The following SPATA7 variants were observed in gnomAD, a reference collection of about 807,000 sequenced individuals.
SPATA7 encodes the protein spermatogenesis-associated protein 7.
Under a neutral mutation model 51.8 loss-of-function variants are expected in SPATA7, and 43 were observed. The ratio of observed to expected loss-of-function variants is 0.83; its 90% CI spans 0.65 to 1.07. The LOEUF (loss-of-function observed/expected upper bound fraction) is 1.07, where lower values mean the gene tolerates loss of function less well. Among genes scored for constraint, SPATA7 ranks in the 50% least tolerant of loss-of-function variants. The probability of loss-of-function intolerance (pLI) is 0.00; values close to 1 mark genes in which losing one functional copy is unlikely to be tolerated. For missense variants in SPATA7, 683 were observed against 701.3 expected, an observed-to-expected ratio of 0.97 and a Z score of 0.30; for synonymous variants, 230 against 252.8, an observed-to-expected ratio of 0.91 and a Z score of 0.86.
Position 88,469,801 on chromosome 14 carries a change from A to T in SPATA7, c.255-46A>T. ...TGGATGCCTTTCTCACATAGACGGC[A>T]CATCTGAAACAGAACCACAACCCTA... is the stretch of plus-strand genomic sequence containing the variant. On this transcript the variant is annotated intron_variant, in intron 4 of 4. Transcript: ENST00000556406. The surrounding 1 kb of genome is among the most constrained non-coding windows in gnomAD (Gnocchi z 4.3). 1 of 1,597,262 alleles carries T rather than the reference A, an allele frequency of 6.3e-7. No individual in the cohort carries two copies. The highest frequency in any genetic ancestry group is 8.6e-7 in the Non-Finnish European group (1 of 1,164,942).
At chr14:88,391,268 G>A in intron 1 of SPATA7, 113 bp from the exon 2 acceptor site, 1 of 960,210 alleles carries the variant, frequency 1.0e-6, no homozygotes, top group Non-Finnish European at 1.6e-6. Flanking sequence ...CACCTTTTAG[G>A]AAAGAAATTA....
intron 4 of SPATA7, among the ~76,000 whole-genome samples, chr14:88,415,486 GTTTTTTGT>G (rs2076451416): frequency 2.0e-5 from 3 of 147,986 alleles, no homozygotes; most frequent in African/African-American, 7.8e-5. Flanking sequence ...GTTGGGTCTT[GTTTTTTGT>G]TTTTTTTTAA....
intron 3 of SPATA7, among the ~76,000 whole-genome samples, chr14:88,448,761 G>A (rs113087364): frequency 1.3e-5 from 2 of 152,102 alleles, no homozygotes; most frequent in Admixed American, 1.3e-4. Flanking sequence ...GTGTCAGTCT[G>A]CCCCTGCTTG....
At chr14:88,466,819 G>C (rs962203961) in intron 4 of SPATA7, 8 of 152,202 alleles carry the variant, frequency 5.3e-5, no homozygotes, top group African/African-American at 1.9e-4. Context: ...AGCAATCTCT[G>C]TGCACAAATT....
chr14:88,385,813 C>G lies in SPATA7; in HGVS notation c.-6C>G, dbSNP rs186639262. 2 of 1,606,850 alleles carry G rather than the reference C, an allele frequency of 1.2e-6. No individual in the cohort carries two copies. Among genetic ancestry groups the G allele is most frequent in the South Asian group, 1.1e-5 (1 of 89,450 alleles). On this transcript the variant is annotated 5_prime_UTR_variant, in exon 1 of 12. Coordinates refer to ENST00000393545, the MANE Select transcript of SPATA7 (RefSeq NM_018418.5). ...TGTCCCTGCGGCGGCTGCAAGAGGA[C>G]TAAGCATGGATGGCAGCCGGAGAGG...
At chr14:88,397,035 C>T (rs1470046398) in intron 4 of SPATA7, among the ~76,000 whole-genome samples, 1 of 152,050 alleles carries the variant, frequency 6.6e-6, no homozygotes, top group Non-Finnish European at 1.5e-5. Context: ...AGGCGCAAGC[C>T]ACCACGCACA....
intron 4 of SPATA7, among the ~76,000 whole-genome samples, chr14:88,406,278 C>T (rs976364867): frequency 1.3e-5 from 2 of 151,898 alleles, no homozygotes; most frequent in African/African-American, 2.4e-5. Context: ...AAATAATTTA[C>T]ATACTATAAG....
rs149478294 is a variant in SPATA7, at chr14:88,437,860, A to G, written c.1238A>G (p.His413Arg). ...TAGGAAAAAATGCGCCACCTGCTGC[A>G]TGTCCTGAAAGTAGACTTAGGCTGC... ...LEEEKMRHLL[H>R]VLKVDLGCTS... Residue 413 changes from histidine to arginine, a missense_variant, in exon 12 of 12, where the codon CAT (histidine) becomes CGT (arginine). Transcript: ENST00000393545. 3.6e-4 allele frequency: 569 copies of G among 1,597,908 alleles called. 1 individual carries two copies. The African/African-American group carries it at 7.1e-3, about 20-fold the overall frequency.
chr14:88,445,921 C>T (rs573390079), intron 3 of SPATA7, among the ~76,000 whole-genome samples: 1 of 152,278 alleles, frequency 6.6e-6, no homozygotes, highest in African/African-American at 2.4e-5. Context: ...TATCAATGTT[C>T]ATCAAGGATA....
intron 1 of SPATA7, among the ~76,000 whole-genome samples, chr14:88,386,607 G>A (rs541927269): frequency 7.9e-4 from 120 of 152,206 alleles, no homozygotes; most frequent in African/African-American, 2.8e-3. Flanking sequence ...GTGGGGTTGG[G>A]GGTGGGGAAA....
chr14:88,429,153 A>C, intron 7 of SPATA7, 195 bp from the exon 8 acceptor site: 1 of 385,612 alleles, frequency 2.6e-6, no homozygotes, highest in South Asian at 4.0e-5. Context: ...TACAAGAAAT[A>C]AGTCATTTTA....
chr14:88,447,045 C>T (rs1595311169), intron 3 of SPATA7, among the ~76,000 whole-genome samples: 2 of 151,944 alleles, frequency 1.3e-5, no homozygotes, highest in Admixed American at 6.6e-5. Context: ...TCCTTGTTGA[C>T]TTTCTGTCTC....
At chr14:88,425,852 G>A (rs2076774953) in intron 5 of SPATA7, among the ~76,000 whole-genome samples, 1 of 152,122 alleles carries the variant, frequency 6.6e-6, no homozygotes, top group Non-Finnish European at 1.5e-5. Flanking sequence ...GACAAGACAG[G>A]ACAGTGAGGA....
intron 3 of SPATA7, among the ~76,000 whole-genome samples, chr14:88,448,675 T>C (rs143691511): frequency 0.038 from 5,754 of 152,210 alleles, 351 homozygotes; most frequent in African/African-American, 0.13. Context: ...TGTGGATGTC[T>C]TTTCTGTTTG....
At chr14:88,434,469 A>G (rs1000916687) in intron 10 of SPATA7, among the ~76,000 whole-genome samples, 28 of 152,042 alleles carry the variant, frequency 1.8e-4, no homozygotes, top group African/African-American at 6.8e-4. Flanking sequence ...GGCGGATCAC[A>G]AGGTCAGGAG....
chr14:88,400,647 A>T (rs1170122770), intron 4 of SPATA7, among the ~76,000 whole-genome samples: 3 of 152,114 alleles, frequency 2.0e-5, no homozygotes, highest in Non-Finnish European at 2.9e-5. Flanking sequence ...CCTCTGGCCA[A>T]CATGGTGAAA....
At chr14:88,407,952 A>G (rs1336940102) in intron 4 of SPATA7, among the ~76,000 whole-genome samples, 15 of 151,964 alleles carry the variant, frequency 9.9e-5, no homozygotes, top group Admixed American at 9.2e-4. Context: ...CCTCTGTTCT[A>G]TTCCATTGGT....
intron 4 of SPATA7, among the ~76,000 whole-genome samples, chr14:88,409,787 G>A (rs997056029): frequency 1.3e-5 from 2 of 152,074 alleles, no homozygotes; most frequent in Non-Finnish European, 2.9e-5. Flanking sequence ...CTGGTACATT[G>A]TGTCTTTGTT....
At chr14:88,424,909 T>G (rs903463041) in intron 5 of SPATA7, among the ~76,000 whole-genome samples, 1 of 152,178 alleles carries the variant, frequency 6.6e-6, no homozygotes, top group Non-Finnish European at 1.5e-5. Context: ...TTTTTTTGCT[T>G]TGATAAATCA....
Sources: allele counts gnomAD v4.1 joint callset (sites outside exome capture counted in the v4.1 genomes callset), GRCh38; gene constraint gnomAD v4.1.1; non-coding constraint Gnocchi (gnomAD v3.1); transcripts MANE v1.5; gene names NCBI Gene and HGNC (gene_info 2026-07-23, HGNC 2026-07-21).